ARL15: variants seen among roughly 807,000 people sequenced by gnomAD.
ARL15 encodes the protein ARF like GTPase 15.
ARL15 carries 19 observed loss-of-function variants against 25.2 expected under a neutral mutation model. The ratio of observed to expected loss-of-function variants is 0.75; its 90% CI spans 0.53 to 1.10. The LOEUF is 1.10. Among genes scored for constraint, ARL15 ranks in the 50% least tolerant of loss-of-function variants. The pLI, the probability that ARL15 is intolerant of heterozygous loss-of-function variation, is 0.00. For synonymous variants in ARL15, 94 were observed against 86.8 expected (o/e 1.08, Z -0.46); for missense variants, 220 against 246.0 (o/e 0.89, Z 0.71).
At chr5:54,309,556 C>T (rs1410424260) in intron 1 of ARL15, among the ~76,000 whole-genome samples, 1 of 152,224 alleles carries the variant, frequency 6.6e-6, no homozygotes, top group Non-Finnish European at 1.5e-5. Flanking sequence ...AATAGCGGTT[C>T]TGCCCAACAT....
At chr5:54,112,995 A>G (rs1752783609) in intron 4 of ARL15, 1 of 527,506 alleles carries the variant, frequency 1.9e-6, no homozygotes, top group African/African-American at 1.9e-5. Flanking sequence ...AATAGCTAGA[A>G]AACTCTGTGC....
chr5:54,050,516 T>C (rs543892650), intron 4 of ARL15, among the ~76,000 whole-genome samples: 3 of 152,330 alleles, frequency 2.0e-5, no homozygotes, highest in South Asian at 2.1e-4. Context: ...ACTTGAATGT[T>C]TGACTTTCTC....
intron 1 of ARL15, among the ~76,000 whole-genome samples, chr5:54,290,210 G>A (rs970673994): frequency 6.6e-6 from 1 of 151,958 alleles, no homozygotes; most frequent in African/African-American, 2.4e-5. Flanking sequence ...TTTTAGCCAG[G>A]CCTCACAATA....
chr5:54,012,084 A>G (rs1749263069), intron 4 of ARL15, among the ~76,000 whole-genome samples: 1 of 152,206 alleles, frequency 6.6e-6, no homozygotes, highest in Non-Finnish European at 1.5e-5. Flanking sequence ...GCGATACCTA[A>G]CAAATTACCA....
rs116287722 is a variant in ARL15 at position 54,261,079 on chromosome 5, T to A, written c.48+49353A>T. Reference sequence around the variant, plus strand: ...TTTGTGAGGAATGAGGGGCTGCAAGTGGGGAAGTGTGAGAATGTCAGAAGG... The same window carrying A: ...TTTGTGAGGAATGAGGGGCTGCAAGAGGGGAAGTGTGAGAATGTCAGAAGG... On this transcript the variant is annotated intron_variant, in intron 1 of 4. Coordinates refer to ENST00000504924, the MANE Select transcript of ARL15 (RefSeq NM_019087.3). Among the ~76,000 whole-genome samples, 1,169 of 152,240 alleles carry A rather than the reference T, an allele frequency of 7.7e-3. 11 individuals carry two copies. Among genetic ancestry groups the A allele is most frequent in the African/African-American group, 0.027 (1,105 of 41,532 alleles).
intron 4 of ARL15, among the ~76,000 whole-genome samples, chr5:54,010,434 G>A (rs1749196632): frequency 6.6e-6 from 1 of 152,168 alleles, no homozygotes; most frequent in African/African-American, 2.4e-5. Context: ...ATTATCTAGA[G>A]AGTTAGTTAA....
intron 1 of ARL15, among the ~76,000 whole-genome samples, chr5:54,267,693 T>C (rs1241484970): frequency 6.6e-6 from 1 of 152,212 alleles, no homozygotes; most frequent in Non-Finnish European, 1.5e-5. Flanking sequence ...CATTAGCTTG[T>C]CTGTAAAGAA....
At chr5:54,133,805 C>A (rs1753512522) in intron 3 of ARL15, among the ~76,000 whole-genome samples, 1 of 151,424 alleles carries the variant, frequency 6.6e-6, no homozygotes, top group East Asian at 1.9e-4. Flanking sequence ...AATGGTCATC[C>A]AAAACAGGAA....
intron 4 of ARL15, among the ~76,000 whole-genome samples, chr5:54,070,780 G>C (rs982658652): frequency 2.0e-5 from 3 of 152,100 alleles, no homozygotes; most frequent in African/African-American, 4.8e-5. Context: ...AGGAGGTGGA[G>C]GTTGCAGTGA....
chr5:54,259,520 G>T (rs977167272), intron 1 of ARL15, among the ~76,000 whole-genome samples: 1 of 152,104 alleles, frequency 6.6e-6, no homozygotes, highest in South Asian at 2.1e-4. Context: ...TGAAGTGACG[G>T]CAAGTGAAAG....
At chr5:54,261,478 T>C (rs1334554801) in intron 1 of ARL15, among the ~76,000 whole-genome samples, 3 of 151,952 alleles carry the variant, frequency 2.0e-5, no homozygotes, top group Non-Finnish European at 4.4e-5. Context: ...ACTTAACATA[T>C]AGTAGATATT....
At chr5:53,942,703 G>A (rs1161892721) in intron 4 of ARL15, among the ~76,000 whole-genome samples, 7 of 152,150 alleles carry the variant, frequency 4.6e-5, no homozygotes, top group Admixed American at 1.3e-4. Flanking sequence ...CCGAGATCGC[G>A]CCACTGCACT....
At chr5:54,241,357 T>C (rs898791260) in intron 1 of ARL15, among the ~76,000 whole-genome samples, 11 of 152,304 alleles carry the variant, frequency 7.2e-5, no homozygotes, top group Admixed American at 4.6e-4. Flanking sequence ...TATCACCCTG[T>C]ATGTCATTAT....
intron 4 of ARL15, among the ~76,000 whole-genome samples, chr5:54,007,592 A>G (rs946067763): frequency 1.3e-5 from 2 of 152,126 alleles, no homozygotes; most frequent in Non-Finnish European, 2.9e-5. Context: ...GGACTACATG[A>G]GCTCAGGAGT....
intron 1 of ARL15, among the ~76,000 whole-genome samples, chr5:54,289,511 C>A (rs1403914449): frequency 6.6e-6 from 1 of 152,210 alleles, no homozygotes; most frequent in Non-Finnish European, 1.5e-5. Context: ...AAACCCCTTG[C>A]ATAGGCAAAC....
intron 3 of ARL15, among the ~76,000 whole-genome samples, chr5:54,153,915 TATC>T (rs1754145107): frequency 6.6e-6 from 1 of 152,190 alleles, no homozygotes; most frequent in Non-Finnish European, 1.5e-5. Context: ...AACTCACCGA[TATC>T]ATACTGAACT....
At chr5:54,289,388 C>A (rs896818333) in intron 1 of ARL15, among the ~76,000 whole-genome samples, 10 of 151,052 alleles carry the variant, frequency 6.6e-5, no homozygotes, top group African/African-American at 2.4e-4. Flanking sequence ...AGAGAATGTG[C>A]AGGAGAGGGT....
intron 1 of ARL15, among the ~76,000 whole-genome samples, chr5:54,197,036 T>A (rs1755569327): frequency 6.6e-6 from 1 of 152,170 alleles, no homozygotes; most frequent in South Asian, 2.1e-4. Flanking sequence ...CCTGGGATAT[T>A]TTTGGGAAAC....
rs1231632663 is a variant in ARL15, at chr5:54,255,208, T to C, written c.48+55224A>G. Among the ~76,000 whole-genome samples, 7 of 114,526 alleles carry C rather than the reference T, an allele frequency of 6.1e-5. No individual in the cohort carries two copies. The East Asian group carries it at 1.4e-3, about 22-fold the overall frequency. 75.1% of individuals were successfully genotyped at this position (114,526 alleles called of 152,430 possible). A position where few individuals can be genotyped will look rare whatever the true frequency, so the allele number is the denominator to read the frequency against. ...ATGTTCCAAACTCTACTCCACGTCA[T>C]TTTTTTTTTATCCTTGCATTTACTG... On this transcript the variant is annotated intron_variant, in intron 1 of 4. Transcript: ENST00000504924.
Sources: allele counts gnomAD v4.1 joint callset (sites outside exome capture counted in the v4.1 genomes callset), GRCh38; gene constraint gnomAD v4.1.1; transcripts MANE v1.5; gene names NCBI Gene and HGNC (gene_info 2026-07-23, HGNC 2026-07-21).